Variants in FRK observed in about 807,000 individuals in gnomAD.
The protein encoded by FRK is fyn related Src family tyrosine kinase.
FRK carries 51 observed loss-of-function variants against 56.4 expected under a neutral mutation model. The observed-to-expected ratio is 0.90, with a 90% confidence interval of 0.72 to 1.14. The LOEUF (loss-of-function observed/expected upper bound fraction) is 1.14. Among genes scored for constraint, FRK ranks in the 50% most tolerant of loss-of-function variants. The pLI is 0.00. For synonymous variants in FRK, 245 were observed against 217.9 expected (o/e 1.12, Z -1.10); for missense variants, 570 against 601.4 (o/e 0.95, Z 0.55).
chr6:115,947,272 GAAAT>G (rs758251110), intron 5 of FRK, among the ~76,000 whole-genome samples: 27 of 151,432 alleles, frequency 1.8e-4, no homozygotes, highest in Non-Finnish European at 3.8e-4. Context: ...AATAAAAAAT[GAAAT>G]AAATAGAGTC....
At chr6:116,075,915 A>C in the FRK span, among the ~76,000 whole-genome samples, 2,009 of 152,046 alleles carry the variant, frequency 0.013, 52 homozygotes, top group African/African-American at 0.046. Context: ...AGAACACAAA[A>C]ATTTAATGAG....
the FRK span, among the ~76,000 whole-genome samples, chr6:116,098,450 G>T: frequency 6.6e-6 from 1 of 152,062 alleles, no homozygotes; most frequent in Non-Finnish European, 1.5e-5. Context: ...GGCCTTTCTT[G>T]TGTGCTTGAA....
the FRK span, among the ~76,000 whole-genome samples, chr6:116,082,887 AAAG>A: frequency 6.6e-6 from 1 of 152,194 alleles, no homozygotes; most frequent in Non-Finnish European, 1.5e-5. Flanking sequence ...GATCAGATTT[AAAG>A]AAGAGAAAAT....
intron 5 of FRK, among the ~76,000 whole-genome samples, chr6:115,945,913 G>T (rs1361669874): frequency 6.6e-6 from 1 of 151,958 alleles, no homozygotes; most frequent in East Asian, 1.9e-4. Flanking sequence ...GTAGAGGGGG[G>T]TCAGCATTAT....
chr6:116,005,656 T>C (rs1775220814), intron 1 of FRK, among the ~76,000 whole-genome samples: 1 of 152,180 alleles, frequency 6.6e-6, no homozygotes, highest in South Asian at 2.1e-4. Flanking sequence ...ACTGAAACCA[T>C]GGAAGTCATG....
chr6:116,046,727 C>G (rs1776978466), intron 1 of FRK, among the ~76,000 whole-genome samples: 1 of 152,042 alleles, frequency 6.6e-6, no homozygotes, highest in South Asian at 2.1e-4. Context: ...ACGTGTATAC[C>G]TATGAAACAA....
chr6:115,942,681 G>A, intron 7 of FRK, 56 bp from the exon 8 acceptor site: 1 of 1,441,576 alleles, frequency 6.9e-7, no homozygotes, highest in Non-Finnish European at 9.7e-7. Flanking sequence ...AAAGGTCAGA[G>A]TCTTAAACTT....
the FRK span, among the ~76,000 whole-genome samples, chr6:116,090,209 C>T: frequency 1.1e-4 from 17 of 152,168 alleles, no homozygotes; most frequent in East Asian, 3.1e-3. Flanking sequence ...ATCCCTTGCA[C>T]AGGAAACAAC....
At position 115,939,330 on chromosome 6, in the gene FRK, A is replaced by T. The variant is rs1772112246; in HGVS notation, c.*3084T>A. 1 of 152,202 alleles carries T rather than the reference A, an allele frequency of 6.6e-6. No individual in the cohort carries two copies. The highest frequency in any genetic ancestry group is 1.5e-5 in the Non-Finnish European group (1 of 68,036). The allele number at this position is 152,202 out of a possible 1,614,324, so 9.4% of individuals were successfully genotyped here. ...AATAAACTAGGTATTGATGGAACGT[A>T]GCTCAAAAAAAATGACAGATTTAAG... is the stretch of plus-strand genomic sequence containing the variant. On this transcript the variant is annotated 3_prime_UTR_variant, in exon 8 of 8. Transcript: ENST00000606080.
the FRK span, among the ~76,000 whole-genome samples, chr6:116,099,580 T>G: frequency 1.3e-5 from 2 of 152,252 alleles, no homozygotes; most frequent in African/African-American, 4.8e-5. Flanking sequence ...TGAAGATTCT[T>G]TACTTTTCCT....
At chr6:116,035,616 G>A (rs1239485623) in intron 1 of FRK, among the ~76,000 whole-genome samples, 1 of 152,048 alleles carries the variant, frequency 6.6e-6, no homozygotes, top group Non-Finnish European at 1.5e-5. Flanking sequence ...TATAACCAAT[G>A]CCCAAATCAA....
At chr6:115,962,223 A>G (rs1357513483) in intron 4 of FRK, among the ~76,000 whole-genome samples, 1 of 132,726 alleles carries the variant, frequency 7.5e-6, no homozygotes, top group Non-Finnish European at 1.6e-5. Flanking sequence ...AATGGAAAAC[A>G]AAAAAAGGCA....
chr6:116,086,603 C>T, the FRK span, among the ~76,000 whole-genome samples: 393 of 152,298 alleles, frequency 2.6e-3, 10 homozygotes, highest in South Asian at 0.044. Context: ...TAATGGTTGT[C>T]AGAACATTTC....
At chr6:116,006,186 A>C (rs1775240728) in intron 1 of FRK, among the ~76,000 whole-genome samples, 1 of 152,206 alleles carries the variant, frequency 6.6e-6, no homozygotes, top group South Asian at 2.1e-4. Flanking sequence ...AAGACAACAC[A>C]GTAGAAAAAT....
chr6:115,956,433 T>A lies in FRK; in HGVS notation c.958+19A>T, dbSNP rs375457390. The A allele has an allele frequency of 1.3e-6, 2 of 1,484,088 alleles. No homozygotes were observed. Among genetic ancestry groups the A allele is most frequent in the Non-Finnish European group, 1.8e-6 (2 of 1,113,980 alleles). 91.9% of individuals were successfully genotyped at this position (1,484,088 alleles called of 1,614,324 possible). A position where few individuals can be genotyped will look rare whatever the true frequency, so the allele number is the denominator to read the frequency against. ...AATTAAATTCCTCTTTTTTTCCTTG[T>A]ATTAAGTCTTTAGCTTACTTTGGAG... On this transcript the variant is annotated intron_variant, in intron 5 of 7. Transcript: ENST00000606080.
chr6:116,085,990 C>A, the FRK span, among the ~76,000 whole-genome samples: 6 of 151,810 alleles, frequency 4.0e-5, no homozygotes, highest in Admixed American at 2.0e-4. Flanking sequence ...TTCTCATTAC[C>A]GTTTGAATGT....
chr6:116,001,248 A>AG (rs1775055776), intron 2 of FRK, among the ~76,000 whole-genome samples: 1 of 152,010 alleles, frequency 6.6e-6, no homozygotes, highest in African/African-American at 2.4e-5. Context: ...AAAAAAAAAA[A>AG]AAGAAAAGAA....
chr6:115,934,977 C>A lies in FRK; in HGVS notation c.*7437G>T, dbSNP rs1201346671. The A allele has an allele frequency of 6.6e-6, 1 of 151,650 alleles. No individual in the cohort carries two copies. The highest frequency in any genetic ancestry group is 1.9e-4 in the East Asian group (1 of 5,158). The allele number at this position is 151,650 out of a possible 1,614,324, so 9.4% of individuals were successfully genotyped here. On this transcript the variant is annotated 3_prime_UTR_variant, in exon 8 of 8. Transcript: ENST00000606080. Reference sequence around the variant, plus strand: ...AAAAACTTTCATAACCAAGTTTGGACATTATTCCTAGCCTCTAGTTCTGAA... The same window carrying A: ...AAAAACTTTCATAACCAAGTTTGGAAATTATTCCTAGCCTCTAGTTCTGAA...
intron 2 of FRK, among the ~76,000 whole-genome samples, chr6:115,990,048 G>A (rs1582686007): frequency 6.6e-6 from 1 of 151,696 alleles, no homozygotes; most frequent in East Asian, 1.9e-4. Context: ...GCAACGTTGA[G>A]TATTTCATGT....
Sources: gnomAD v4.1 joint callset for allele counts (sites outside exome capture counted in the v4.1 genomes callset) on GRCh38, gnomAD v4.1.1 for gene constraint, MANE v1.5 for transcripts, NCBI Gene and HGNC (gene_info 2026-07-23, HGNC 2026-07-21) for gene names.